The following LRRC28 variants were observed in gnomAD, a reference collection of about 807,000 sequenced individuals.
LRRC28 encodes leucine rich repeat containing 28, also known as leucine-rich repeat-containing protein 28.
A neutral mutation model predicts 45.7 loss-of-function variants in LRRC28; 39 were observed. The ratio of observed to expected loss-of-function variants is 0.85; its 90% CI spans 0.66 to 1.12. The LOEUF is 1.12. LRRC28 is among the 50% of genes most tolerant of loss of function. LRRC28 has a pLI of 0.00. For synonymous variants in LRRC28, 206 were observed against 178.8 expected (o/e 1.15, Z -1.22); for missense variants, 435 against 438.5 (o/e 0.99, Z 0.07).
At chr15:99,258,107 C>T (rs1373050356) in intron 2 of LRRC28, 2 of 1,589,490 alleles carry the variant, frequency 1.3e-6, no homozygotes, top group Non-Finnish European at 1.7e-6. Context: ...GGTTAAAAAC[C>T]TTGGTACCAT....
rs113698048 is a variant in LRRC28 at position 99,387,215 on chromosome 15, C to A, written c.*1113C>A. On this transcript the variant is annotated 3_prime_UTR_variant, in exon 10 of 10. Transcript: ENST00000301981. ...AGCTGGGACCACAGGCGCCCGCCAC[C>A]ACGCCCGGCTAATTTTTTGTATTTT... The A allele has an allele frequency of 4.8e-5, 7 of 144,670 alleles. No homozygotes were observed. Among genetic ancestry groups the A allele is most frequent in the Non-Finnish European group, 1.1e-4 (7 of 66,368 alleles). The allele number at this position is 144,670 out of a possible 1,614,324, so 9.0% of individuals were successfully genotyped here.
chr15:99,332,021 T>C (rs1335523240), intron 5 of LRRC28: 1 of 152,266 alleles, frequency 6.6e-6, no homozygotes, highest in Non-Finnish European at 1.5e-5. Flanking sequence ...TGACACGGGC[T>C]GTGGTATGTC....
At chr15:99,346,476 A>G (rs1462171573) in intron 6 of LRRC28, among the ~76,000 whole-genome samples, 1 of 152,240 alleles carries the variant, frequency 6.6e-6, no homozygotes, top group Non-Finnish European at 1.5e-5. Context: ...AATGCAGAGT[A>G]ATCCGTGGTA....
chr15:99,353,181 G>T (rs1483886797), intron 7 of LRRC28, among the ~76,000 whole-genome samples: 2 of 152,124 alleles, frequency 1.3e-5, no homozygotes, highest in African/African-American at 2.4e-5. Context: ...TCAACCACCA[G>T]GACCCACTTG....
intron 9 of LRRC28, among the ~76,000 whole-genome samples, chr15:99,376,925 T>G (rs1288288534): frequency 6.6e-6 from 1 of 152,238 alleles, no homozygotes; most frequent in African/African-American, 2.4e-5. Flanking sequence ...GTGCCACATT[T>G]TCTTAATCCA....
In LRRC28 at chr15:99,380,751, T is replaced by C. The variant is rs1431253702; in HGVS notation, c.1032-5279T>C. ...CTGGTGGTGACAAAATCTCTCAGCA[T>C]TTGCTTGTCTGTAAAGGATTTTATT... On this transcript the variant is annotated intron_variant, in intron 9 of 9. Coordinates refer to ENST00000301981, the MANE Select transcript of LRRC28 (RefSeq NM_144598.5). Among the ~76,000 whole-genome samples, 3 of 152,238 alleles carry C rather than the reference T, an allele frequency of 2.0e-5. No individual in the cohort carries two copies. In the East Asian group the frequency reaches 5.8e-4, roughly 29 times the overall value.
intron 9 of LRRC28, among the ~76,000 whole-genome samples, chr15:99,381,921 TG>T (rs1186219469): frequency 3.9e-5 from 6 of 152,246 alleles, no homozygotes; most frequent in African/African-American, 1.4e-4. Flanking sequence ...CCCAGCTGTG[TG>T]AGGTGTCAGT....
In LRRC28 at chr15:99,313,695, T is replaced by C. The variant is rs539680593; in HGVS notation, c.386-20228T>C. On this transcript the variant is annotated intron_variant, in intron 5 of 9. Transcript: ENST00000301981. ...TCTTATTTATCTAAGAATGCCTTTA[T>C]TTTGAATTCATGGCTGAAGGATAGT... Among the ~76,000 whole-genome samples, 59 of 152,346 alleles carry C rather than the reference T, an allele frequency of 3.9e-4. 1 individual carries two copies. Among genetic ancestry groups the C allele is most frequent in the Admixed American group, 1.3e-3 (20 of 15,292 alleles).
chr15:99,284,932 CAA>C, intron 3 of LRRC28: 2 of 605,230 alleles, frequency 3.3e-6, no homozygotes, highest in Non-Finnish European at 6.3e-6. Context: ...CCTCCACGAC[CAA>C]AGTTGTCATT....
intron 5 of LRRC28, among the ~76,000 whole-genome samples, chr15:99,306,690 G>GTT (rs1206919032): frequency 6.6e-6 from 1 of 152,192 alleles, no homozygotes; most frequent in African/African-American, 2.4e-5. Context: ...GTTCTGGCAG[G>GTT]TTTTAAAAGA....
chr15:99,363,874 C>T (rs1957273640), intron 9 of LRRC28, among the ~76,000 whole-genome samples: 1 of 152,182 alleles, frequency 6.6e-6, no homozygotes, highest in Non-Finnish European at 1.5e-5. Flanking sequence ...TCCCCACTTG[C>T]ACAACCTTAG....
rs149834319 is a variant in LRRC28 at position 99,316,630 on chromosome 15, G to A, written c.386-17293G>A. Among the ~76,000 whole-genome samples the A allele has an allele frequency of 3.5e-3, 534 of 151,418 alleles. 1 individual carries two copies. The highest frequency in any genetic ancestry group is 0.014 in the Middle Eastern group (4 of 294). On this transcript the variant is annotated intron_variant, in intron 5 of 9. Coordinates refer to ENST00000301981, the MANE Select transcript of LRRC28 (RefSeq NM_144598.5). ...GGCTGAAGGCCTGTTTTTGCTTATAGGGAAGAAAGTAGAGAATTAATGGAT... is the reference window on the plus strand; with the variant it reads ...GGCTGAAGGCCTGTTTTTGCTTATAAGGAAGAAAGTAGAGAATTAATGGAT...
At chr15:99,305,547 C>T (rs192933743) in intron 5 of LRRC28, among the ~76,000 whole-genome samples, 3 of 152,170 alleles carry the variant, frequency 2.0e-5, no homozygotes, top group East Asian at 1.9e-4. Context: ...TTTCTGATAT[C>T]GCTAAAACTA....
chr15:99,381,606 C>T (rs923718971), intron 9 of LRRC28, among the ~76,000 whole-genome samples: 2 of 152,200 alleles, frequency 1.3e-5, no homozygotes, highest in Admixed American at 1.3e-4. Flanking sequence ...GGGAGAGGTG[C>T]TCTGATTTTT....
intron 5 of LRRC28, chr15:99,320,696 A>T (rs1310650449): frequency 6.6e-6 from 1 of 152,190 alleles, no homozygotes; most frequent in Non-Finnish European, 1.5e-5. Context: ...TCATGATGTG[A>T]ACCAAAATCA....
Position 99,385,743 on chromosome 15 carries a change from TTTG to T in LRRC28, c.1032-284_1032-282del, listed in dbSNP as rs1356001560. On this transcript the variant is annotated intron_variant, in intron 9 of 9. Coordinates refer to ENST00000301981, the MANE Select transcript of LRRC28 (RefSeq NM_144598.5). ...TTCGAAACGTAATGTGGAAAAGGCATTTGTTTTTTTTTTTTTTCTTAGTTTCTA... is the reference window on the plus strand; with the variant it reads ...TTCGAAACGTAATGTGGAAAAGGCATTTTTTTTTTTTTTTCTTAGTTTCTA... Among the ~76,000 whole-genome samples the T allele has an allele frequency of 1.9e-3, 279 of 148,418 alleles. 2 individuals are homozygous for T. Among genetic ancestry groups the T allele is most frequent in the African/African-American group, 4.4e-3 (176 of 39,724 alleles).
chr15:99,272,500 A>G (rs555392163), intron 2 of LRRC28, among the ~76,000 whole-genome samples: 5 of 152,252 alleles, frequency 3.3e-5, no homozygotes, highest in Non-Finnish European at 5.9e-5. Flanking sequence ...AGAAAATACT[A>G]TTGAACATGG....
At chr15:99,350,137 C>T (rs951564494) in intron 6 of LRRC28, among the ~76,000 whole-genome samples, 5 of 121,236 alleles carry the variant, frequency 4.1e-5, no homozygotes, top group African/African-American at 1.2e-4. Flanking sequence ...AGCGAGACTC[C>T]GTCTCAAAAA....
At chr15:99,310,332 G>C (rs903875221) in intron 5 of LRRC28, among the ~76,000 whole-genome samples, 1 of 152,168 alleles carries the variant, frequency 6.6e-6, no homozygotes, top group African/African-American at 2.4e-5. Flanking sequence ...AGGAATGATG[G>C]AATTTTAAAA....
Sources: allele counts gnomAD v4.1 joint callset (sites outside exome capture counted in the v4.1 genomes callset), GRCh38; gene constraint gnomAD v4.1.1; transcripts MANE v1.5; gene names NCBI Gene and HGNC (gene_info 2026-07-23, HGNC 2026-07-21).